The following KCNIP1 variants were observed in gnomAD, a reference collection of about 807,000 sequenced individuals.
The protein encoded by KCNIP1 is A-type potassium channel modulatory protein KCNIP1.
A neutral mutation model predicts 33.0 loss-of-function variants in KCNIP1; 18 were observed. The observed-to-expected ratio is 0.55, with a 90% confidence interval of 0.38 to 0.81. The LOEUF (loss-of-function observed/expected upper bound fraction) is 0.81, where lower values mean the gene tolerates loss of function less well. KCNIP1 is among the 30% of genes least tolerant of loss of function. KCNIP1 has a pLI of 0.00. For missense variants in KCNIP1, 238 were observed against 271.6 expected (o/e 0.88, Z 0.87); for synonymous variants, 93 against 98.3 (o/e 0.95, Z 0.32).
chr5:170,715,408 T>C (rs965715572), intron 1 of KCNIP1, among the ~76,000 whole-genome samples: 3 of 152,294 alleles, frequency 2.0e-5, no homozygotes, highest in African/African-American at 4.8e-5. Context: ...TGAGAGAGTC[T>C]AAACCCCTCA....
At chr5:170,636,061 C>T (rs192031946) in intron 1 of KCNIP1, among the ~76,000 whole-genome samples, 1 of 152,334 alleles carries the variant, frequency 6.6e-6, no homozygotes, top group African/African-American at 2.4e-5. Flanking sequence ...TCAACACCCA[C>T]CTGGGGAAGA....
At chr5:170,589,763 G>A (rs377602916) in intron 1 of KCNIP1, among the ~76,000 whole-genome samples, 13,086 of 127,190 alleles carry the variant, frequency 0.1, 672 homozygotes, top group South Asian at 0.13. Flanking sequence ...GTGTGGTGTG[G>A]TGTGGTGTGG....
intron 1 of KCNIP1, among the ~76,000 whole-genome samples, chr5:170,401,690 A>G (rs918426344): frequency 1.3e-5 from 2 of 151,962 alleles, no homozygotes; most frequent in African/African-American, 4.8e-5. Flanking sequence ...TGAGCCCAGG[A>G]AGTCAAGGCT....
intron 1 of KCNIP1, among the ~76,000 whole-genome samples, chr5:170,663,695 C>T (rs1224297502): frequency 1.3e-5 from 2 of 152,046 alleles, no homozygotes; most frequent in East Asian, 1.9e-4. Flanking sequence ...CTGGGAGTCA[C>T]CCTTGACATT....
intron 1 of KCNIP1, among the ~76,000 whole-genome samples, chr5:170,536,255 T>C (rs1561674301): frequency 6.6e-6 from 1 of 152,238 alleles, no homozygotes; most frequent in East Asian, 1.9e-4. Flanking sequence ...TGCATTAGCC[T>C]GTGGCAGGAG....
At chr5:170,453,772 T>C (rs958044490) in intron 1 of KCNIP1, among the ~76,000 whole-genome samples, 2 of 152,196 alleles carry the variant, frequency 1.3e-5, no homozygotes, top group Non-Finnish European at 2.9e-5. Context: ...TGATGAAGAC[T>C]TCCACGTGGC....
chr5:170,353,977 GC>G (rs1476443747), intron 1 of KCNIP1: 2 of 1,612,028 alleles, frequency 1.2e-6, no homozygotes, highest in Non-Finnish European at 1.7e-6. Flanking sequence ...ATGGAAACTG[GC>G]CTTGACCCTT....
intron 1 of KCNIP1, among the ~76,000 whole-genome samples, chr5:170,368,292 G>A (rs1220308461): frequency 1.3e-5 from 2 of 152,112 alleles, no homozygotes; most frequent in South Asian, 4.2e-4. Flanking sequence ...TTGAGACAGA[G>A]TCTCACTCTG....
intron 1 of KCNIP1, among the ~76,000 whole-genome samples, chr5:170,507,062 G>C (rs1349296655): frequency 1.3e-5 from 2 of 152,280 alleles, no homozygotes; most frequent in South Asian, 2.1e-4. Flanking sequence ...ACTTACATTA[G>C]GCATTTCCTC....
Position 170,526,719 on chromosome 5 carries a change from C to CTT in KCNIP1, c.61+22106_61+22107dup, listed in dbSNP as rs145988547. Among the ~76,000 whole-genome samples the CTT allele has an allele frequency of 1.5e-3, 189 of 122,792 alleles. 1 individual carries two copies. The highest frequency in any genetic ancestry group is 2.2e-3 in the African/African-American group (67 of 30,554). 80.6% of individuals were successfully genotyped at this position (122,792 alleles called of 152,430 possible). A position where few individuals can be genotyped will look rare whatever the true frequency, so the allele number is the denominator to read the frequency against. The stretch of plus-strand genomic sequence containing the variant: ...TCACCCATACCTTTTATCTGATTAG[C>CTT]TTTTTTTTTTTTTTTTTTTTTGAGA... On this transcript the variant is annotated intron_variant, in intron 1 of 7. Transcript: ENST00000328939.
At chr5:170,550,545 GATGGTGATGACA>G (rs1193512537) in intron 1 of KCNIP1, among the ~76,000 whole-genome samples, 3 of 151,618 alleles carry the variant, frequency 2.0e-5, no homozygotes, top group African/African-American at 4.8e-5. Context: ...TGATAATGAT[GATGGTGATGACA>G]ATGATGGTGA....
At chr5:170,533,929 C>T (rs775114386) in intron 1 of KCNIP1, among the ~76,000 whole-genome samples, 36 of 152,156 alleles carry the variant, frequency 2.4e-4, no homozygotes, top group Non-Finnish European at 4.4e-4. Flanking sequence ...GTTGACTGGG[C>T]CAGAACCTCA....
intron 1 of KCNIP1, among the ~76,000 whole-genome samples, chr5:170,572,193 C>T (rs771331041): frequency 7.2e-5 from 11 of 152,160 alleles, no homozygotes; most frequent in South Asian, 2.1e-4. Context: ...AGCTGGAAAT[C>T]GACTGTATGC....
intron 1 of KCNIP1, among the ~76,000 whole-genome samples, chr5:170,660,297 A>G (rs748574440): frequency 1.3e-5 from 2 of 152,124 alleles, no homozygotes; most frequent in Non-Finnish European, 2.9e-5. Flanking sequence ...CTTTGCCCTC[A>G]AGATATAATA....
chr5:170,515,126 A>G (rs977076561), intron 1 of KCNIP1, among the ~76,000 whole-genome samples: 1 of 152,196 alleles, frequency 6.6e-6, no homozygotes, highest in Non-Finnish European at 1.5e-5. Context: ...AGCTTTGGCC[A>G]CTTCCAAAGC....
intron 1 of KCNIP1, among the ~76,000 whole-genome samples, chr5:170,455,093 A>T (rs546694017): frequency 6.6e-6 from 1 of 152,358 alleles, no homozygotes; most frequent in Non-Finnish European, 1.5e-5. Context: ...AGTTGAAGGG[A>T]TAAATAAATA....
At chr5:170,456,912 G>T (rs533136694) in intron 1 of KCNIP1, among the ~76,000 whole-genome samples, 1 of 151,884 alleles carries the variant, frequency 6.6e-6, no homozygotes, top group African/African-American at 2.4e-5. Flanking sequence ...TAGAGATGAG[G>T]TTTCCCTATG....
chr5:170,706,186 A>G (rs967886326), intron 1 of KCNIP1, among the ~76,000 whole-genome samples: 7 of 152,234 alleles, frequency 4.6e-5, no homozygotes, highest in Non-Finnish European at 1.0e-4. Flanking sequence ...ACAGAAATGT[A>G]TGTTCACACG....
intron 1 of KCNIP1, among the ~76,000 whole-genome samples, chr5:170,701,741 C>T (rs1199153326): frequency 1.3e-5 from 2 of 152,204 alleles, no homozygotes; most frequent in Non-Finnish European, 2.9e-5. Flanking sequence ...AGCGCTCTAT[C>T]TGCAGGGGTT....
Sources: gnomAD v4.1 joint callset for allele counts (sites outside exome capture counted in the v4.1 genomes callset) on GRCh38, gnomAD v4.1.1 for gene constraint, MANE v1.5 for transcripts, NCBI Gene and HGNC (gene_info 2026-07-23, HGNC 2026-07-21) for gene names.